Variants in IL31RA observed in about 807,000 individuals in gnomAD.
The protein encoded by IL31RA is interleukin 31 receptor A.
IL31RA carries 66 observed loss-of-function variants against 83.7 expected under a neutral mutation model. That is an observed-to-expected ratio of 0.79 (90% CI 0.65 to 0.97). The LOEUF (loss-of-function observed/expected upper bound fraction) is 0.97. IL31RA is among the 50% of genes least tolerant of loss of function. The pLI, the probability that IL31RA is intolerant of heterozygous loss-of-function variation, is 0.00. For missense variants in IL31RA, 798 were observed against 919.4 expected, an observed-to-expected ratio of 0.87 and a Z score of 1.71; for synonymous variants, 325 against 329.0, an observed-to-expected ratio of 0.99 and a Z score of 0.13.
chr5:55,893,707 C>T (rs977688349), intron 6 of IL31RA, among the ~76,000 whole-genome samples: 1 of 151,868 alleles, frequency 6.6e-6, no homozygotes, highest in Non-Finnish European at 1.5e-5. Flanking sequence ...TCTCTTTGGA[C>T]CATATTTGCA....
the IL31RA span, among the ~76,000 whole-genome samples, chr5:55,844,173 G>A: frequency 2.0e-5 from 3 of 152,016 alleles, no homozygotes; most frequent in Non-Finnish European, 4.4e-5. Context: ...TAAGGAAGAT[G>A]AAAGTAGAAT....
intron 4 of IL31RA, 116 bp from the exon 5 acceptor site, chr5:55,882,928 T>G: frequency 3.2e-6 from 3 of 949,696 alleles, no homozygotes; most frequent in Non-Finnish European, 3.4e-6. Context: ...AATGCCATCT[T>G]CGTTCCATAT....
At chr5:55,890,650 G>A (rs766056807) in intron 6 of IL31RA, among the ~76,000 whole-genome samples, 2 of 152,182 alleles carry the variant, frequency 1.3e-5, no homozygotes, top group African/African-American at 2.4e-5. Flanking sequence ...GATTACAGGC[G>A]TGAGCCACTG....
rs1469377110 is a variant in IL31RA, at chr5:55,867,191, G to A, written c.155-1600G>A. Among the ~76,000 whole-genome samples the A allele has an allele frequency of 1.4e-4, 17 of 119,592 alleles. 1 individual carries two copies. The highest frequency in any genetic ancestry group is 2.9e-4 in the Non-Finnish European group (17 of 59,232). The allele number at this position is 119,592 out of a possible 152,430, so 78.5% of individuals were successfully genotyped here. On this transcript the variant is annotated intron_variant, in intron 2 of 14. Transcript: ENST00000652347. ...TGCATGTGTGTGTGCATGTGTGTTT[G>A]TGTGTGTTTGTGTGTGTGCGCATGT...
Position 55,878,349 on chromosome 5 carries a change from AG to A in IL31RA, c.455-4693del, listed in dbSNP as rs146767394. 6.5e-3 allele frequency among the ~76,000 whole-genome samples: 985 copies of A among 152,328 alleles called. 18 individuals carry two copies. Among genetic ancestry groups the A allele is most frequent in the African/African-American group, 0.023 (964 of 41,578 alleles). ...AAATTCTGATGGCTGGGCTTCCTCAAGGACAGTTTCTGTGGATTTGTTTTGT... is the reference window on the plus strand; with the variant it reads ...AAATTCTGATGGCTGGGCTTCCTCAAGACAGTTTCTGTGGATTTGTTTTGT... On this transcript the variant is annotated intron_variant, in intron 4 of 14. Coordinates refer to ENST00000652347, the MANE Select transcript of IL31RA (RefSeq NM_139017.7).
At chr5:55,843,604 A>G in the IL31RA span, among the ~76,000 whole-genome samples, 2 of 152,038 alleles carry the variant, frequency 1.3e-5, no homozygotes, top group Non-Finnish European at 2.9e-5. Flanking sequence ...TCTATTTCCC[A>G]TTGTAGTTCT....
chr5:55,910,349 T>A (rs1749426123), intron 11 of IL31RA, among the ~76,000 whole-genome samples, 183 bp from the exon 12 acceptor site: 1 of 152,220 alleles, frequency 6.6e-6, no homozygotes, highest in African/African-American at 2.4e-5. Flanking sequence ...ATTTTTATAG[T>A]TCTAGTTCTT....
chr5:55,892,035 A>C (rs759148727), intron 6 of IL31RA, among the ~76,000 whole-genome samples: 13 of 152,046 alleles, frequency 8.6e-5, no homozygotes, highest in Non-Finnish European at 1.8e-4. Flanking sequence ...TCAGCCTCCC[A>C]AAGTGCTGGG....
rs146872943 is a variant in IL31RA, at chr5:55,908,270, T to C, written c.1360T>C (p.Ser454Pro). The change falls in exon 11 of 15, where the codon TCA becomes CCA. Residue 454 changes from serine to proline, a missense_variant. Physicochemically the swap from Ser to Pro is moderately conservative, Grantham distance 74. Coordinates refer to ENST00000652347, the MANE Select transcript of IL31RA (RefSeq NM_139017.7). ...TATCCCTCTGTCCTTTCCAGTTCCA[T>C]CAGAAGGTCCTGAGACCAAGGTGGA... ...IQAYAKEGVP[S>P]EGPETKVENI... 2 of 1,614,060 alleles carry C rather than the reference T, an allele frequency of 1.2e-6. No individual in the cohort carries two copies. Among genetic ancestry groups the C allele is most frequent in the Non-Finnish European group, 1.7e-6 (2 of 1,180,014 alleles).
In IL31RA at chr5:55,907,285, A is replaced by G. The variant is rs866105673; in HGVS notation, c.1253-74A>G. On this transcript the variant is annotated intron_variant, in intron 9 of 14. Transcript: ENST00000652347. The stretch of plus-strand genomic sequence containing the variant: ...GAATATCTTCTATAAGTGTTTGGCC[A>G]TAACTCTTAGTCTAGTATTCCCCCC... The G allele has an allele frequency of 1.7e-5, 15 of 862,602 alleles. No individual in the cohort carries two copies. The Middle Eastern group carries it at 2.4e-3, about 135-fold the overall frequency. 53.4% of individuals were successfully genotyped at this position (862,602 alleles called of 1,614,324 possible).
chr5:55,849,749 A>G (rs567872471), upstream of IL31RA, among the ~76,000 whole-genome samples: 1 of 152,190 alleles, frequency 6.6e-6, no homozygotes, highest in African/African-American at 2.4e-5. Flanking sequence ...TTGTACTCTT[A>G]TCATCTTGGG....
intron 4 of IL31RA, among the ~76,000 whole-genome samples, chr5:55,874,252 A>G: frequency 6.6e-6 from 1 of 152,078 alleles, no homozygotes. Flanking sequence ...CTTCAATTCT[A>G]TTCCATTGAA....
intron 6 of IL31RA, among the ~76,000 whole-genome samples, chr5:55,893,520 A>T (rs1207872718): frequency 2.6e-5 from 4 of 152,194 alleles, no homozygotes; most frequent in Non-Finnish European, 5.9e-5. Context: ...GATTTGGAAA[A>T]TTTTAATTTT....
chr5:55,872,609 G>T (rs1385290472), intron 4 of IL31RA, among the ~76,000 whole-genome samples, 158 bp downstream of exon 4: 3 of 142,074 alleles, frequency 2.1e-5, no homozygotes, highest in Non-Finnish European at 3.1e-5. Context: ...AAGAAAGGAA[G>T]TGGGGGAAGG....
rs1175739856 is a variant in IL31RA at position 55,914,869 on chromosome 5, C to T, written c.1759C>T (p.Pro587Ser). The change falls in exon 14 of 15, where the codon CCC becomes TCC. Residue 587 changes from proline to serine, a missense_variant. Transcript: ENST00000652347. Reference protein sequence around the residue: ...KPNKLTHLCWPTVPNPAESSI... With the variant: ...KPNKLTHLCWSTVPNPAESSI... ...TAGCAAATTGACTCATCTGTGTTGG[C>T]CCACCGTTCCCAACCCTGCTGAAAG... 7 of 1,613,094 alleles carry T rather than the reference C, an allele frequency of 4.3e-6. No individual in the cohort carries two copies. The East Asian group carries it at 1.3e-4, about 31-fold the overall frequency.
At position 55,921,787 on chromosome 5, in the gene IL31RA, A is replaced by G. The variant is rs1025190751; in HGVS notation, c.*4667A>G. ...CCATGTCCCTGTGTTGACATTACAG[A>G]ATGTTCTCTGCCTCCGTGCTCCTGG... On this transcript the variant is annotated 3_prime_UTR_variant, in exon 15 of 15. Coordinates refer to ENST00000652347, the MANE Select transcript of IL31RA (RefSeq NM_139017.7). Among the ~76,000 whole-genome samples, 10 of 152,250 alleles carry G rather than the reference A, an allele frequency of 6.6e-5. No individual in the cohort carries two copies. Among genetic ancestry groups the G allele is most frequent in the Admixed American group, 6.5e-4 (10 of 15,298 alleles).
Position 55,922,430 on chromosome 5 carries a change from T to G in IL31RA, c.*5310T>G. The stretch of plus-strand genomic sequence containing the variant: ...TCTGTCTTCCTGCCCAACTTCAATA[T>G]AAGTGTGGACTAAAATGCGAGAAAG... On this transcript the variant is annotated 3_prime_UTR_variant, in exon 15 of 15. Transcript: ENST00000652347. 1.3e-6 allele frequency: 2 copies of G among 1,550,688 alleles called. No individual in the cohort carries two copies. Among genetic ancestry groups the G allele is most frequent in the Non-Finnish European group, 1.7e-6 (2 of 1,146,612 alleles).
chr5:55,889,923 A>T (rs1421107709), intron 5 of IL31RA, 47 bp from the exon 6 acceptor site: 1 of 1,567,972 alleles, frequency 6.4e-7, no homozygotes, highest in Non-Finnish European at 8.8e-7. Flanking sequence ...AAATGGGAGG[A>T]TAACGTGTGG....
chr5:55,865,915 G>A (rs549434473), intron 2 of IL31RA, among the ~76,000 whole-genome samples: 29 of 152,308 alleles, frequency 1.9e-4, no homozygotes, highest in Non-Finnish European at 3.4e-4. Flanking sequence ...ACTTGGATGC[G>A]TGGGAATAAG....
Sources: allele counts gnomAD v4.1 joint callset (sites outside exome capture counted in the v4.1 genomes callset), GRCh38; gene constraint gnomAD v4.1.1; transcripts MANE v1.5; gene names NCBI Gene and HGNC (gene_info 2026-07-23, HGNC 2026-07-21).